The following DNA2 variants were observed in gnomAD, a reference collection of about 807,000 sequenced individuals.
The protein encoded by DNA2 is DNA replication helicase/nuclease 2.
Under a neutral mutation model 119.1 loss-of-function variants are expected in DNA2, and 101 were observed. That is an observed-to-expected ratio of 0.85 (90% CI 0.72 to 1.00). The LOEUF is 1.00. DNA2 is among the 50% of genes least tolerant of loss of function. The pLI is 0.00. For missense variants in DNA2, 1,121 were observed against 1,255.5 expected (o/e 0.89, Z 1.62); for synonymous variants, 366 against 424.4 (o/e 0.86, Z 1.69).
chr10:68,417,333 T>C (rs2051602708), intron 19 of DNA2, among the ~76,000 whole-genome samples: 1 of 137,230 alleles, frequency 7.3e-6, no homozygotes, highest in Admixed American at 8.2e-5. Context: ...TTTAAAACCA[T>C]ATGGATGTAT....
Position 68,432,484 on chromosome 10 carries a change from G to T in DNA2, c.1673C>A (p.Thr558Asn), listed in dbSNP as rs762001014. 6.4e-7 allele frequency: 1 copy of T among 1,569,160 alleles called. No homozygotes were observed. Among genetic ancestry groups the T allele is most frequent in the Non-Finnish European group, 8.6e-7 (1 of 1,157,124 alleles). Reference sequence around the variant, plus strand: ...TTCTTCTTGGTCTAATCTGAACAAAGTTGATTCTGGAAGGACCGACAAGTT... The same window carrying T: ...TTCTTCTTGGTCTAATCTGAACAAATTTGATTCTGGAAGGACCGACAAGTT... ...DRNLSVLPES[T>N]LFRLDQEEKN... is the part of the protein sequence containing the mutation. Residue 558 changes from threonine (T) to asparagine (N), a missense_variant, in exon 11 of 21, where the codon ACT (threonine) becomes AAT (asparagine). Transcript: ENST00000358410.
At position 68,465,740 on chromosome 10, in the gene DNA2, T is replaced by C; in HGVS notation, c.514A>G (p.Asn172Asp). The C allele has an allele frequency of 1.2e-6, 2 of 1,609,196 alleles. No homozygotes were observed. Among genetic ancestry groups the C allele is most frequent in the Non-Finnish European group, 1.7e-6 (2 of 1,177,824 alleles). ...LHEVFQKAIN[N>D]SFAPEKLQEL... is the part of the protein sequence containing the mutation. ...TGTAGCTTTTCTGGGGCAAAGCTAT[T>C]ATTTATGGCTTTTTGAAACACCTCA... The change falls in exon 4 of 21, where the codon AAT (asparagine) becomes GAT (aspartate). Residue 172 changes from asparagine to aspartate, a missense_variant. Asn to Asp is a conservative substitution (Grantham distance 23). Coordinates refer to ENST00000358410, the MANE Select transcript of DNA2 (RefSeq NM_001080449.3).
intron 9 of DNA2, among the ~76,000 whole-genome samples, chr10:68,442,073 C>T (rs2051976236): frequency 6.6e-6 from 1 of 151,884 alleles, no homozygotes; most frequent in African/African-American, 2.4e-5. Flanking sequence ...CACGACCACA[C>T]CTAGGTAATT....
chr10:68,417,391 CAAAA>C (rs35777569), intron 19 of DNA2, among the ~76,000 whole-genome samples: 8 of 77,486 alleles, frequency 1.0e-4, no homozygotes, highest in East Asian at 7.7e-4. Flanking sequence ...ATAAGAAAAC[CAAAA>C]AAAAAAAAAA....
intron 14 of DNA2, among the ~76,000 whole-genome samples, chr10:68,429,856 T>C (rs2051795832): frequency 6.6e-6 from 1 of 150,804 alleles, no homozygotes; most frequent in Admixed American, 6.7e-5. Flanking sequence ...CCATTGTTTC[T>C]AATTCAAACT....
chr10:68,454,322 C>T (rs1296389581), intron 5 of DNA2, among the ~76,000 whole-genome samples: 6 of 150,842 alleles, frequency 4.0e-5, no homozygotes, highest in African/African-American at 1.5e-4. Flanking sequence ...GAGAATCATG[C>T]TTATCATTGT....
Position 68,419,845 on chromosome 10 carries a change from T to C in DNA2, c.2745A>G (p.Thr915=). ...QVEKGGVSNV[T]EAKLIVFLTS... is the part of the protein sequence containing the mutation. ...TTAGGAAAACTATGAGTTTGGCTTCTGTTACATTGCTCACACCACCTTTTT... is the reference window on the plus strand; with the variant it reads ...TTAGGAAAACTATGAGTTTGGCTTCCGTTACATTGCTCACACCACCTTTTT... The change falls in exon 18 of 21, where the codon ACA becomes ACG. Residue 915 remains threonine, a synonymous_variant. Coordinates refer to ENST00000358410, the MANE Select transcript of DNA2 (RefSeq NM_001080449.3). 1.2e-6 allele frequency: 2 copies of C among 1,613,952 alleles called. No individual in the cohort carries two copies. Among genetic ancestry groups the C allele is most frequent in the Non-Finnish European group, 1.7e-6 (2 of 1,179,876 alleles).
In DNA2 at chr10:68,445,084, C is replaced by A. The variant is rs771783178; in HGVS notation, c.1058-1G>T. 1.9e-6 allele frequency: 3 copies of A among 1,577,848 alleles called. No individual in the cohort carries two copies. Among genetic ancestry groups the A allele is most frequent in the South Asian group, 2.3e-5 (2 of 85,252 alleles). ...ATCTGGTTTCTTAGCTTTAATAATT[C>A]TATGAAAAAAAAGGTGAATGTCTTT... On this transcript the variant is annotated splice_acceptor_variant, in intron 7 of 20. Transcript: ENST00000358410. LOFTEE classifies it high-confidence loss of function.
At chr10:68,417,342 A>G (rs1356261134) in intron 19 of DNA2, among the ~76,000 whole-genome samples, 1 of 141,678 alleles carries the variant, frequency 7.1e-6, no homozygotes, top group Non-Finnish European at 1.5e-5. Flanking sequence ...ATATGGATGT[A>G]TTATACAGTT....
chr10:68,420,199 T>C (rs533549855), intron 17 of DNA2, among the ~76,000 whole-genome samples: 29 of 152,292 alleles, frequency 1.9e-4, no homozygotes, highest in African/African-American at 7.0e-4. Flanking sequence ...CAGAAAAGAA[T>C]AAGTAACTTT....
chr10:68,435,402 G>C (rs1458631414), intron 10 of DNA2, among the ~76,000 whole-genome samples: 1 of 151,656 alleles, frequency 6.6e-6, no homozygotes, highest in Admixed American at 6.6e-5. Flanking sequence ...GCCAGGCGTG[G>C]TGGCTCACAA....
chr10:68,440,120 A>G (rs1238803773), intron 9 of DNA2, among the ~76,000 whole-genome samples: 3 of 151,884 alleles, frequency 2.0e-5, no homozygotes, highest in Non-Finnish European at 4.4e-5. Context: ...CCTGGCCAAC[A>G]TGGCAAAACC....
At chr10:68,436,535 C>A (rs954166363) in intron 10 of DNA2, among the ~76,000 whole-genome samples, 1 of 152,058 alleles carries the variant, frequency 6.6e-6, no homozygotes, top group Non-Finnish European at 1.5e-5. Context: ...ATACTAAACG[C>A]CACTCAATTA....
Position 68,418,962 on chromosome 10 carries a change from C to T in DNA2, c.2967+72G>A, listed in dbSNP as rs557654247. On this transcript the variant is annotated intron_variant, in intron 19 of 20. Transcript: ENST00000358410. ...GGCTGGGATTACAGGTGTGAGCCACCGCGCCCGGCCCACAATTTTTAAAGA... is the reference window on the plus strand; with the variant it reads ...GGCTGGGATTACAGGTGTGAGCCACTGCGCCCGGCCCACAATTTTTAAAGA... 6.4e-5 allele frequency: 91 copies of T among 1,421,454 alleles called. No individual in the cohort carries two copies. In the East Asian group the frequency reaches 1.3e-3, roughly 20 times the overall value. 88.1% of individuals were successfully genotyped at this position (1,421,454 alleles called of 1,614,324 possible). A position where few individuals can be genotyped will look rare whatever the true frequency, so the allele number is the denominator to read the frequency against.
At position 68,437,099 on chromosome 10, in the gene DNA2, C is replaced by A. The variant is rs376453519; in HGVS notation, c.1558G>T (p.Val520Leu). ...AACAGTGACCTTTCTTCTCCACTTA[C>A]AATAACTCTGTCACCTGCCATTAGA... Reference protein sequence around the residue: ...TNLMAGDRVIVSGEERSLFAL... With the variant: ...TNLMAGDRVILSGEERSLFAL... The change falls in exon 10 of 21, where the codon GTA (valine) becomes TTA (leucine). Residue 520 changes from valine to leucine, a missense_variant. Val to Leu is a conservative substitution (Grantham distance 32). Coordinates refer to ENST00000358410, the MANE Select transcript of DNA2 (RefSeq NM_001080449.3). 1.9e-6 allele frequency: 3 copies of A among 1,613,956 alleles called. No individual in the cohort carries two copies. The highest frequency in any genetic ancestry group is 1.7e-5 in the Admixed American group (1 of 60,012).
chr10:68,470,793 T>C (rs1199731480), intron 1 of DNA2, among the ~76,000 whole-genome samples: 4 of 152,158 alleles, frequency 2.6e-5, no homozygotes, highest in African/African-American at 7.2e-5. Context: ...GAAAGTCCTA[T>C]CATGAGCCAC....
At chr10:68,447,642 C>T (rs2052058966) in intron 6 of DNA2, among the ~76,000 whole-genome samples, 3 of 150,690 alleles carry the variant, frequency 2.0e-5, no homozygotes, top group Admixed American at 1.3e-4. Context: ...TGAGCCAAGA[C>T]CGTGCCACTA....
At chr10:68,464,710 T>C (rs917787126) in intron 4 of DNA2, among the ~76,000 whole-genome samples, 7 of 150,902 alleles carry the variant, frequency 4.6e-5, no homozygotes, top group African/African-American at 1.7e-4. Flanking sequence ...ATGCCTGTAA[T>C]CCCAGCTACT....
chr10:68,424,140 A>C (rs539685986), intron 14 of DNA2, among the ~76,000 whole-genome samples: 78 of 150,056 alleles, frequency 5.2e-4, no homozygotes, highest in Non-Finnish European at 1.0e-3. Context: ...CTTGAATATG[A>C]ACCAAAAAAC....
Sources: allele counts gnomAD v4.1 joint callset (sites outside exome capture counted in the v4.1 genomes callset), GRCh38; gene constraint gnomAD v4.1.1; transcripts MANE v1.5; gene names NCBI Gene and HGNC (gene_info 2026-07-23, HGNC 2026-07-21).